UNKL: variants seen among roughly 807,000 people sequenced by gnomAD.
The protein encoded by UNKL is putative E3 ubiquitin-protein ligase UNKL.
A neutral mutation model predicts 78.0 loss-of-function variants in UNKL; 60 were observed. The ratio of observed to expected loss-of-function variants is 0.77; its 90% CI spans 0.63 to 0.95. The LOEUF (loss-of-function observed/expected upper bound fraction) is 0.95. Among genes scored for constraint, UNKL ranks in the 40% least tolerant of loss-of-function variants. UNKL has a pLI of 0.00. For missense variants in UNKL, 1,159 were observed against 1,045.7 expected, an observed-to-expected ratio of 1.11 and a Z score of -1.49; for synonymous variants, 608 against 474.8, an observed-to-expected ratio of 1.28 and a Z score of -3.65.
chr16:1,387,766 G>A lies in UNKL; in HGVS notation c.1087-2381C>T, dbSNP rs979539506. Among the ~76,000 whole-genome samples, 4 of 151,732 alleles carry A rather than the reference G, an allele frequency of 2.6e-5. No individual in the cohort carries two copies. Among genetic ancestry groups the A allele is most frequent in the African/African-American group, 7.3e-5 (3 of 41,298 alleles). On this transcript the variant is annotated intron_variant, in intron 9 of 14. Transcript: ENST00000389221. This position sits in a 1 kb window ranked among gnomAD's most constrained non-coding sequence, Gnocchi z 4.1. ...CCTCCGGGGACGTGGACACTGCACCGCCGCACGGCTGCCCGGCCTGCGGAA... is the reference window on the plus strand; with the variant it reads ...CCTCCGGGGACGTGGACACTGCACCACCGCACGGCTGCCCGGCCTGCGGAA...
intron 5 of UNKL, chr16:1,398,680 C>CT: frequency 4.0e-6 from 5 of 1,234,604 alleles, no homozygotes; most frequent in Non-Finnish European, 4.1e-6. Flanking sequence ...GTGGGGTCTG[C>CT]ACCCCCCCAC....
chr16:1,392,398 C>T (rs949611543), intron 8 of UNKL, among the ~76,000 whole-genome samples: 4 of 152,066 alleles, frequency 2.6e-5, no homozygotes, highest in African/African-American at 4.8e-5. Flanking sequence ...CAGTCTCCCC[C>T]ATAGCCTTAC....
At chr16:1,376,922 A>G (rs2036274751) in intron 10 of UNKL, among the ~76,000 whole-genome samples, 7 of 152,150 alleles carry the variant, frequency 4.6e-5, no homozygotes, top group Admixed American at 4.6e-4. Flanking sequence ...CAAATGAGGC[A>G]GTGGACAGCG....
At chr16:1,367,370 C>G (rs1031055855) in intron 13 of UNKL, 21 bp from the exon 14 acceptor site, 35 of 1,525,226 alleles carry the variant, frequency 2.3e-5, no homozygotes, top group Non-Finnish European at 3.1e-5. Flanking sequence ...GGGCCCGTCT[C>G]AGCACCCCCC....
intron 4 of UNKL, among the ~76,000 whole-genome samples, chr16:1,400,918 A>G (rs1384309501): frequency 1.3e-5 from 2 of 152,060 alleles, no homozygotes; most frequent in Non-Finnish European, 2.9e-5. Flanking sequence ...CAAACTCCTG[A>G]CCTCAAGTGA....
chr16:1,410,979 C>G (rs974736810), intron 2 of UNKL, among the ~76,000 whole-genome samples: 2 of 152,064 alleles, frequency 1.3e-5, no homozygotes, highest in African/African-American at 4.8e-5. Context: ...ACCTATAATC[C>G]CTGCACGTTG....
intron 7 of UNKL, among the ~76,000 whole-genome samples, chr16:1,393,454 G>A (rs568115827): frequency 3.3e-5 from 5 of 152,180 alleles, no homozygotes; most frequent in East Asian, 3.9e-4. Context: ...GGAGGAGGCC[G>A]CGTGGGTTCC....
At chr16:1,374,197 G>C (rs62011309) in intron 10 of UNKL, among the ~76,000 whole-genome samples, 109,688 of 131,788 alleles carry the variant, frequency 0.83, 46,915 homozygotes, top group East Asian at 0.99. Context: ...CAGCAGCGTG[G>C]GGCACACCAC....
chr16:1,379,670 G>T (rs1373888283), intron 10 of UNKL: 1 of 984,194 alleles, frequency 1.0e-6, no homozygotes, highest in Non-Finnish European at 1.2e-6. Flanking sequence ...CCGCGCCGCC[G>T]CCGGGGATTC....
In UNKL at chr16:1,367,866, T is replaced by C; in HGVS notation, c.1586-8A>G. On this transcript the variant is annotated splice_polypyrimidine_tract_variant and splice_region_variant and intron_variant, in intron 12 of 14. Transcript: ENST00000389221. ...CGGGGACACCGTTCAAACCTGAGTG[T>C]GAAACGGTCGATGACGGCCCAGCCC... 1 of 1,553,824 alleles carries C rather than the reference T, an allele frequency of 6.4e-7. No individual in the cohort carries two copies. The highest frequency in any genetic ancestry group is 8.7e-7 in the Non-Finnish European group (1 of 1,148,942).
chr16:1,376,415 G>A (rs2036231873), intron 10 of UNKL, among the ~76,000 whole-genome samples: 1 of 148,444 alleles, frequency 6.7e-6, no homozygotes, highest in Non-Finnish European at 1.5e-5. Context: ...TCCTCTGAGG[G>A]CTTGGGGATG....
chr16:1,365,052 G>C lies in UNKL; in HGVS notation c.*1188C>G, dbSNP rs1321568498. On this transcript the variant is annotated 3_prime_UTR_variant, in exon 15 of 15. Coordinates refer to ENST00000389221, the MANE Select transcript of UNKL (RefSeq NM_001372107.1). ...TCTGTCACCCGGGCTGGAGTGCGGT[G>C]GCGCGATCTCGGCTCACTGCAACCT... 1.3e-5 allele frequency: 2 copies of C among 151,496 alleles called. No homozygotes were observed. The highest frequency in any genetic ancestry group is 4.9e-5 in the African/African-American group (2 of 40,860). The allele number at this position is 151,496 out of a possible 1,614,324, so 9.4% of individuals were successfully genotyped here.
intron 10 of UNKL, among the ~76,000 whole-genome samples, chr16:1,382,282 G>C (rs890754944): frequency 6.6e-6 from 1 of 152,252 alleles, no homozygotes; most frequent in African/African-American, 2.4e-5. Context: ...TAGAGGCTCC[G>C]AGAGAAGATG....
chr16:1,367,428 TCCTC>T, intron 13 of UNKL, 79 bp from the exon 14 acceptor site: 8 of 1,450,996 alleles, frequency 5.5e-6, no homozygotes, highest in Non-Finnish European at 6.3e-6. Context: ...TCACCAGCGA[TCCTC>T]CCCTCCCCTC....
In UNKL at chr16:1,401,581, GTCC is replaced by G; in HGVS notation, c.582_584del (p.Glu194del). Reference sequence around the variant, plus strand: ...CCGTGGAGTTACCTTGCCACCGGGGGTCCTCGCTCAGGATCTTCTCAATCATGG... The same window carrying G: ...CCGTGGAGTTACCTTGCCACCGGGGGTCGCTCAGGATCTTCTCAATCATGG... On this transcript the variant is annotated inframe_deletion, in exon 4 of 15. Coordinates refer to ENST00000389221, the MANE Select transcript of UNKL (RefSeq NM_001372107.1). 1.3e-6 allele frequency: 2 copies of G among 1,591,168 alleles called. No individual in the cohort carries two copies. Among genetic ancestry groups the G allele is most frequent in the Non-Finnish European group, 1.7e-6 (2 of 1,167,276 alleles).
At chr16:1,404,766 A>G (rs919865780) in intron 2 of UNKL, among the ~76,000 whole-genome samples, 1 of 152,012 alleles carries the variant, frequency 6.6e-6, no homozygotes, top group African/African-American at 2.4e-5. Flanking sequence ...TCCACACAAC[A>G]TGGTTAATGC....
rs112578064 is a variant in UNKL at position 1,367,772 on chromosome 16, G to A, written c.1672C>T (p.Pro558Ser). 5.1e-6 allele frequency: 8 copies of A among 1,573,300 alleles called. No homozygotes were observed. In the Admixed American group the frequency reaches 7.4e-5, roughly 15 times the overall value. Residue 558 changes from proline (P) to serine (S), a missense_variant, in exon 13 of 15, where the codon CCA (proline) becomes TCA (serine). By Grantham distance (74) the Pro-to-Ser change is moderately conservative. Coordinates refer to ENST00000389221, the MANE Select transcript of UNKL (RefSeq NM_001372107.1). ...TTTGGACTTGCACTCGAAGAGGATG[G>A]GGGGCCGGCACTCAGGATGGGGGAG... is the stretch of plus-strand genomic sequence containing the variant. ...SPSPILSAGPPSSSSASPNGA... is the reference protein window; with the variant it reads ...SPSPILSAGPSSSSSASPNGA...
chr16:1,383,957 G>A (rs2036711371), intron 10 of UNKL: 1 of 277,650 alleles, frequency 3.6e-6, no homozygotes, highest in Non-Finnish European at 8.0e-6. Context: ...GCCAGACCCG[G>A]GCTGAGCTGA....
intron 9 of UNKL, among the ~76,000 whole-genome samples, chr16:1,388,867 A>T (rs951742419): frequency 6.6e-6 from 1 of 151,884 alleles, no homozygotes; most frequent in Non-Finnish European, 1.5e-5. Flanking sequence ...TACCACCAGC[A>T]CTGCCTGCCT....
Sources: allele counts gnomAD v4.1 joint callset (sites outside exome capture counted in the v4.1 genomes callset), GRCh38; gene constraint gnomAD v4.1.1; non-coding constraint Gnocchi (gnomAD v3.1); transcripts MANE v1.5; gene names NCBI Gene and HGNC (gene_info 2026-07-23, HGNC 2026-07-21).